Variants in PRKN observed in about 807,000 individuals in gnomAD.
PRKN encodes the protein E3 ubiquitin-protein ligase parkin.
A neutral mutation model predicts 59.5 loss-of-function variants in PRKN; 56 were observed. The observed-to-expected ratio is 0.94, with a 90% CI of 0.76 to 1.18. The LOEUF (loss-of-function observed/expected upper bound fraction) is 1.18, where lower values mean the gene tolerates loss of function less well. PRKN is among the 50% of genes most tolerant of loss of function. The pLI is 0.00. For missense variants in PRKN, 657 were observed against 596.4 expected (o/e 1.10, Z -1.06); for synonymous variants, 250 against 222.1 (o/e 1.13, Z -1.12).
chr6:161,352,771 A>ATATATTTTTTT lies in PRKN; in HGVS notation c.1286-2561_1286-2560insAAAAAAATATA, dbSNP rs34279714. Among the ~76,000 whole-genome samples, 86 of 116,886 alleles carry ATATATTTTTTT rather than the reference A, an allele frequency of 7.4e-4. No individual in the cohort carries two copies. The highest frequency in any genetic ancestry group is 9.9e-4 in the Non-Finnish European group (50 of 50,478). 76.7% of individuals were successfully genotyped at this position (116,886 alleles called of 152,430 possible). A position where few individuals can be genotyped will look rare whatever the true frequency, so the allele number is the denominator to read the frequency against. On this transcript the variant is annotated intron_variant, in intron 11 of 11. Transcript: ENST00000366898. The surrounding 1 kb of genome is among the most constrained non-coding windows in gnomAD (Gnocchi z 5.8). Reference sequence around the variant, plus strand: ...TGTGTGTGTGTATATATATATATATATTTTATTTTATTTTATTTTATTTTT... The same window carrying ATATATTTTTTT: ...TGTGTGTGTGTATATATATATATATATATATTTTTTTTTTTATTTTATTTTATTTTATTTTT...
intron 7 of PRKN, among the ~76,000 whole-genome samples, chr6:161,763,680 C>T (rs1170263375): frequency 6.6e-6 from 1 of 152,094 alleles, no homozygotes; most frequent in Non-Finnish European, 1.5e-5. Flanking sequence ...TCACCAGCCC[C>T]TTTCCCCCCC....
At chr6:162,186,562 C>G (rs1484282478) in intron 4 of PRKN, among the ~76,000 whole-genome samples, 1 of 152,096 alleles carries the variant, frequency 6.6e-6, no homozygotes, top group African/African-American at 2.4e-5. Context: ...TAAGGAGAAA[C>G]AGTGATATGA....
At chr6:161,626,736 C>T (rs1241083070) in intron 7 of PRKN, among the ~76,000 whole-genome samples, 6 of 152,176 alleles carry the variant, frequency 3.9e-5, no homozygotes, top group Non-Finnish European at 5.9e-5. Context: ...GGAACCGGGC[C>T]GCTTACAGAC....
intron 1 of PRKN, among the ~76,000 whole-genome samples, chr6:162,650,745 C>T (rs1778397830): frequency 6.6e-6 from 1 of 152,138 alleles, no homozygotes; most frequent in African/African-American, 2.4e-5. Flanking sequence ...TCTCCATTGG[C>T]TTATCCTAGA....
At chr6:162,345,467 A>C (rs1192426028) in intron 2 of PRKN, among the ~76,000 whole-genome samples, 1 of 152,248 alleles carries the variant, frequency 6.6e-6, no homozygotes, top group African/African-American at 2.4e-5. Flanking sequence ...AATGATTAAC[A>C]AAAGAACTGA....
chr6:162,161,047 C>T (rs775212567), intron 4 of PRKN, among the ~76,000 whole-genome samples: 1 of 152,160 alleles, frequency 6.6e-6, no homozygotes, highest in Non-Finnish European at 1.5e-5. Flanking sequence ...ACCACCACCA[C>T]CCCCTGCATT....
intron 6 of PRKN, among the ~76,000 whole-genome samples, chr6:161,852,159 C>A (rs370080562): frequency 6.6e-6 from 1 of 151,186 alleles, no homozygotes; most frequent in Non-Finnish European, 1.5e-5. Flanking sequence ...AAATAAACAA[C>A]CTTTCAACAG....
At chr6:161,590,306 T>C (rs1240765756) in intron 7 of PRKN, among the ~76,000 whole-genome samples, 1 of 152,028 alleles carries the variant, frequency 6.6e-6, no homozygotes, top group East Asian at 1.9e-4. Context: ...TTGCCAAAAA[T>C]GCATAACTTG....
At chr6:162,702,156 A>C (rs1778181150) in intron 1 of PRKN, among the ~76,000 whole-genome samples, 1 of 152,204 alleles carries the variant, frequency 6.6e-6, no homozygotes, top group African/African-American at 2.4e-5. Context: ...CATTTTATAC[A>C]TTAACATTTA....
At chr6:161,836,807 C>T (rs970760299) in intron 6 of PRKN, among the ~76,000 whole-genome samples, 2 of 152,144 alleles carry the variant, frequency 1.3e-5, no homozygotes, top group African/African-American at 4.8e-5. Context: ...AGAGGGACTC[C>T]ACTTCCCAGT....
At chr6:162,562,576 T>C (rs569842786) in intron 1 of PRKN, among the ~76,000 whole-genome samples, 1 of 152,294 alleles carries the variant, frequency 6.6e-6, no homozygotes, top group Non-Finnish European at 1.5e-5. Context: ...CCTCATGGTC[T>C]GGGGTAGTGG....
At chr6:162,401,312 C>T (rs1165009329) in intron 2 of PRKN, among the ~76,000 whole-genome samples, 2 of 151,584 alleles carry the variant, frequency 1.3e-5, no homozygotes, top group South Asian at 2.1e-4. Flanking sequence ...AAAAAAAAAC[C>T]TATGCAGATA....
chr6:161,973,159 G>T, intron 6 of PRKN, 143 bp downstream of exon 6: 2 of 682,076 alleles, frequency 2.9e-6, no homozygotes, highest in Admixed American at 2.1e-5. Flanking sequence ...AAATAAAGCA[G>T]ACACTCCCCA....
chr6:162,626,814 C>CA (rs5881483), intron 1 of PRKN, among the ~76,000 whole-genome samples: 54 of 133,852 alleles, frequency 4.0e-4, no homozygotes, highest in Middle Eastern at 3.9e-3. Flanking sequence ...ACTCTGTCTC[C>CA]AAAAAAAAAA....
intron 1 of PRKN, among the ~76,000 whole-genome samples, chr6:162,643,397 C>CAAAAAAAAAAAAAAAA (rs59995115): frequency 7.3e-5 from 6 of 82,486 alleles, no homozygotes; most frequent in Admixed American, 1.8e-4. Context: ...GACTCTGCCT[C>CAAAAAAAAAAAAAAAA]AAAAAAAAAA....
chr6:162,699,951 C>A (rs1408096083), intron 1 of PRKN, among the ~76,000 whole-genome samples: 1 of 152,166 alleles, frequency 6.6e-6, no homozygotes, highest in Admixed American at 6.5e-5. Flanking sequence ...AAATTAAACA[C>A]CACACCTAGA....
intron 7 of PRKN, among the ~76,000 whole-genome samples, chr6:161,779,440 CTTTTTTTT>C (rs10683923): frequency 9.6e-5 from 4 of 41,840 alleles, no homozygotes; most frequent in Admixed American, 5.4e-4. Flanking sequence ...CTTTTCTTTT[CTTTTTTTT>C]TTTTTTTTTT....
intron 2 of PRKN, among the ~76,000 whole-genome samples, chr6:162,277,702 C>A (rs1453368102): frequency 2.0e-5 from 3 of 151,386 alleles, no homozygotes. Flanking sequence ...CATCTTATGT[C>A]CTCAGGGAGC....
intron 1 of PRKN, among the ~76,000 whole-genome samples, chr6:162,708,886 G>A (rs1198818135): frequency 6.6e-6 from 1 of 152,114 alleles, no homozygotes; most frequent in East Asian, 1.9e-4. Flanking sequence ...GGTGAGTGGT[G>A]GGCAAGCGGA....
Sources: allele counts gnomAD v4.1 joint callset (sites outside exome capture counted in the v4.1 genomes callset), GRCh38; gene constraint gnomAD v4.1.1; non-coding constraint Gnocchi (gnomAD v3.1); transcripts MANE v1.5; gene names NCBI Gene and HGNC (gene_info 2026-07-23, HGNC 2026-07-21).